The following SLC2A4 variants were observed in gnomAD, a reference collection of about 807,000 sequenced individuals.
SLC2A4 encodes solute carrier family 2 member 4.
In SLC2A4, 31 loss-of-function variants were observed where a neutral mutation model predicts 53.3. The ratio of observed to expected loss-of-function variants is 0.58; its 90% CI spans 0.44 to 0.78. The LOEUF is 0.78. Ranked by LOEUF, SLC2A4 falls within the 30% of genes least tolerant of loss-of-function variation. The pLI is 0.00. For synonymous variants in SLC2A4, 276 were observed against 281.9 expected, an observed-to-expected ratio of 0.98 and a Z score of 0.21; for missense variants, 538 against 655.7, an observed-to-expected ratio of 0.82 and a Z score of 1.96.
chr17:7,282,109 C>G lies in SLC2A4; in HGVS notation c.33+142C>G. The G allele has an allele frequency of 1.4e-6, 1 of 733,054 alleles. No individual in the cohort carries two copies. The highest frequency in any genetic ancestry group is 2.4e-6 in the Non-Finnish European group (1 of 417,010). The allele number at this position is 733,054 out of a possible 1,614,324, so 45.4% of individuals were successfully genotyped here. A position where few individuals can be genotyped will look rare whatever the true frequency, so the allele number is the denominator to read the frequency against. ...AGGGGGCTGGCTATTTATACCCGGC[C>G]TGGACAACCCGTGACTGTGAGATTC... On this transcript the variant is annotated intron_variant, in intron 1 of 10. Coordinates refer to ENST00000317370, the MANE Select transcript of SLC2A4 (RefSeq NM_001042.3). The surrounding 1 kb of genome is among the most constrained non-coding windows in gnomAD (Gnocchi z 4.1).
Position 7,284,411 on chromosome 17 carries a change from C to G in SLC2A4, c.727+32C>G, listed in dbSNP as rs2072430439. The G allele has an allele frequency of 6.2e-7, 1 of 1,613,974 alleles. No homozygotes were observed. The highest frequency in any genetic ancestry group is 1.7e-5 in the Admixed American group (1 of 60,012). ...TCTCCCGCTGCAGCCTGGCCCAGGC[C>G]CATGCCTCCGCCTCATCTTGCTAGC... On this transcript the variant is annotated intron_variant, in intron 6 of 10. Transcript: ENST00000317370. The surrounding 1 kb of genome is among the most constrained non-coding windows in gnomAD (Gnocchi z 7.5).
In SLC2A4 at chr17:7,286,653, C is replaced by T. The variant is rs778004176; in HGVS notation, c.*24C>T. ...GAGGGGCCAGGCAGGGGTGGGAGAGCCAGCTCTCTCTACCCGGCCCAGAGA... is the reference window on the plus strand; with the variant it reads ...GAGGGGCCAGGCAGGGGTGGGAGAGTCAGCTCTCTCTACCCGGCCCAGAGA... On this transcript the variant is annotated 3_prime_UTR_variant, in exon 11 of 11. Transcript: ENST00000317370. The T allele has an allele frequency of 2.5e-6, 4 of 1,597,804 alleles. No homozygotes were observed. In the South Asian group the frequency reaches 3.3e-5, roughly 13 times the overall value.
At position 7,282,188 on chromosome 17, in the gene SLC2A4, C is replaced by T. The variant is rs759271251; in HGVS notation, c.33+221C>T. 1.1e-5 allele frequency: 7 copies of T among 626,314 alleles called. No homozygotes were observed. Among genetic ancestry groups the T allele is most frequent in the Non-Finnish European group, 2.0e-5 (7 of 344,048 alleles). The allele number at this position is 626,314 out of a possible 1,614,324, so 38.8% of individuals were successfully genotyped here. Reference sequence around the variant, plus strand: ...GGAGGGCCTTTCGGGGCACAGGCAGCAAGTGGATTCTGCGAGCCAGGGTTC... The same window carrying T: ...GGAGGGCCTTTCGGGGCACAGGCAGTAAGTGGATTCTGCGAGCCAGGGTTC... On this transcript the variant is annotated intron_variant, in intron 1 of 10. Coordinates refer to ENST00000317370, the MANE Select transcript of SLC2A4 (RefSeq NM_001042.3). The surrounding 1 kb of genome is among the most constrained non-coding windows in gnomAD (Gnocchi z 4.1).
Position 7,286,564 on chromosome 17 carries a change from C to A in SLC2A4, c.1465C>A (p.Leu489Ile). 2 of 1,614,210 alleles carry A rather than the reference C, an allele frequency of 1.2e-6. No homozygotes were observed. The highest frequency in any genetic ancestry group is 2.2e-5 in the South Asian group (2 of 91,086). Residue 489 changes from leucine to isoleucine, a missense_variant, in exon 11 of 11, where the codon CTT becomes ATT. Transcript: ENST00000317370. ...ISAAFHRTPSLLEQEVKPSTE... is the reference protein window; with the variant it reads ...ISAAFHRTPSILEQEVKPSTE... The stretch of plus-strand genomic sequence containing the variant: ...AGCTGCCTTCCACCGGACACCCTCT[C>A]TTTTAGAGCAGGAGGTGAAACCCAG...
rs747355108 is a variant in SLC2A4, at chr17:7,284,098, A to C, written c.564+9A>C. On this transcript the variant is annotated intron_variant, in intron 5 of 10. Coordinates refer to ENST00000317370, the MANE Select transcript of SLC2A4 (RefSeq NM_001042.3). The surrounding 1 kb of genome is among the most constrained non-coding windows in gnomAD (Gnocchi z 7.5). ...GCATTCTGATCGCCCAGGTGACCGG[A>C]GCAAGCCTCATGGGTGCCTGGGCAG... The C allele has an allele frequency of 2.5e-6, 4 of 1,612,924 alleles. No homozygotes were observed. In the South Asian group the frequency reaches 3.3e-5, roughly 13 times the overall value.
rs1335344386 is a variant in SLC2A4, at chr17:7,282,161, C to T, written c.33+194C>T. 7 of 643,788 alleles carry T rather than the reference C, an allele frequency of 1.1e-5. No homozygotes were observed. Among genetic ancestry groups the T allele is most frequent in the Non-Finnish European group, 2.0e-5 (7 of 355,188 alleles). 39.9% of individuals were successfully genotyped at this position (643,788 alleles called of 1,614,324 possible). ...AATCCTACCAAAAGGCAGAGTGGGT[C>T]TGGAGGGCCTTTCGGGGCACAGGCA... On this transcript the variant is annotated intron_variant, in intron 1 of 10. Transcript: ENST00000317370. This position sits in a 1 kb window ranked among gnomAD's most constrained non-coding sequence, Gnocchi z 4.1.
chr17:7,283,175 G>C lies in SLC2A4; in HGVS notation c.34-70G>C, dbSNP rs1482121734. ...GTATCTTCAGGCTCCAGCTGGGCCC[G>C]GGCCCCTAGCGGAAGGAAAAAAATC... is the stretch of plus-strand genomic sequence containing the variant. On this transcript the variant is annotated intron_variant, in intron 1 of 10. Coordinates refer to ENST00000317370, the MANE Select transcript of SLC2A4 (RefSeq NM_001042.3). The surrounding 1 kb of genome is among the most constrained non-coding windows in gnomAD (Gnocchi z 5.8). 25 of 1,294,118 alleles carry C rather than the reference G, an allele frequency of 1.9e-5. No individual in the cohort carries two copies. The highest frequency in any genetic ancestry group is 2.5e-5 in the Non-Finnish European group (22 of 889,386). 80.2% of individuals were successfully genotyped at this position (1,294,118 alleles called of 1,614,324 possible). A position where few individuals can be genotyped will look rare whatever the true frequency, so the allele number is the denominator to read the frequency against.
At position 7,282,363 on chromosome 17, in the gene SLC2A4, T is replaced by C. The variant is rs2072409566; in HGVS notation, c.33+396T>C. 1 of 468,752 alleles carries C rather than the reference T, an allele frequency of 2.1e-6. No individual in the cohort carries two copies. Among genetic ancestry groups the C allele is most frequent in the Admixed American group, 2.3e-5 (1 of 42,866 alleles). The allele number at this position is 468,752 out of a possible 1,614,324, so 29.0% of individuals were successfully genotyped here. Reference sequence around the variant, plus strand: ...GGGCAGTGTTTCGAGGACCGGAGGCTCTCCGTGGGCCCCCACCCCCACTCC... The same window carrying C: ...GGGCAGTGTTTCGAGGACCGGAGGCCCTCCGTGGGCCCCCACCCCCACTCC... On this transcript the variant is annotated intron_variant, in intron 1 of 10. Coordinates refer to ENST00000317370, the MANE Select transcript of SLC2A4 (RefSeq NM_001042.3). The surrounding 1 kb of genome is among the most constrained non-coding windows in gnomAD (Gnocchi z 4.1).
rs1294239114 is a variant in SLC2A4, at chr17:7,285,651, G to A, written c.1123-54G>A. The A allele has an allele frequency of 2.6e-6, 4 of 1,555,876 alleles. No individual in the cohort carries two copies. The Admixed American group carries it at 6.7e-5, about 26-fold the overall frequency. The stretch of plus-strand genomic sequence containing the variant: ...TTCACTTCTCTGAGTTGAGGGCAAG[G>A]GAAGATCAGAAAGGCCTCAACTGGA... On this transcript the variant is annotated intron_variant, in intron 9 of 10. Transcript: ENST00000317370. This position sits in a 1 kb window ranked among gnomAD's most constrained non-coding sequence, Gnocchi z 6.0.
At position 7,282,464 on chromosome 17, in the gene SLC2A4, C is replaced by T. The variant is rs572042475; in HGVS notation, c.33+497C>T. 8.8e-6 allele frequency: 4 copies of T among 452,568 alleles called. No individual in the cohort carries two copies. Among genetic ancestry groups the T allele is most frequent in the Admixed American group, 2.4e-5 (1 of 41,970 alleles). 28.0% of individuals were successfully genotyped at this position (452,568 alleles called of 1,614,324 possible). Reference sequence around the variant, plus strand: ...GGGGCAGAGGGGACTGTCAGCCCCCCCTCCTCCAGCTCAGGTTTCCGCTTG... The same window carrying T: ...GGGGCAGAGGGGACTGTCAGCCCCCTCTCCTCCAGCTCAGGTTTCCGCTTG... On this transcript the variant is annotated intron_variant, in intron 1 of 10. Coordinates refer to ENST00000317370, the MANE Select transcript of SLC2A4 (RefSeq NM_001042.3). The surrounding 1 kb of genome is among the most constrained non-coding windows in gnomAD (Gnocchi z 4.1).
chr17:7,284,940 G>A lies in SLC2A4; in HGVS notation c.1020+1G>A. The A allele has an allele frequency of 6.2e-7, 1 of 1,614,234 alleles. No individual in the cohort carries two copies. The highest frequency in any genetic ancestry group is 8.5e-7 in the Non-Finnish European group (1 of 1,180,042). On this transcript the variant is annotated splice_donor_variant, in intron 8 of 10. Transcript: ENST00000317370. LOFTEE classifies it high-confidence loss of function. The surrounding 1 kb of genome is among the most constrained non-coding windows in gnomAD (Gnocchi z 7.5). ...CAACACAGTCTTCACCTTGGTCTCG[G>A]TAACTGCTCACCTCTGGAATGGCCC...
rs758122417 is a variant in SLC2A4, at chr17:7,284,051, A to C, written c.526A>C (p.Asn176His). The change falls in exon 5 of 11, where the codon AAC becomes CAC. Residue 176 changes from asparagine to histidine, a missense_variant. By Grantham distance (68) the Asn-to-His change is moderately conservative. Transcript: ENST00000317370. The surrounding 1 kb of genome is among the most constrained non-coding windows in gnomAD (Gnocchi z 7.5). ...THLRGALGTL[N>H]QLAIVIGILI... The stretch of plus-strand genomic sequence containing the variant: ...CCTGCGGGGCGCCCTGGGGACGCTC[A>C]ACCAACTGGCCATTGTTATCGGCAT... The C allele has an allele frequency of 1.9e-6, 3 of 1,614,030 alleles. No homozygotes were observed. The highest frequency in any genetic ancestry group is 3.3e-5 in the Admixed American group (2 of 59,998).
In SLC2A4 at chr17:7,287,664, C is replaced by T. The variant is rs1442463471; in HGVS notation, c.*1035C>T. Reference sequence around the variant, plus strand: ...GGGTGCTGCATCCACAGGCTTTTGACCAACTAAGGCAAAGAGGGGATTTGA... The same window carrying T: ...GGGTGCTGCATCCACAGGCTTTTGATCAACTAAGGCAAAGAGGGGATTTGA... On this transcript the variant is annotated 3_prime_UTR_variant, in exon 11 of 11. Transcript: ENST00000317370. 1 of 152,230 alleles carries T rather than the reference C, an allele frequency of 6.6e-6. No individual in the cohort carries two copies. The highest frequency in any genetic ancestry group is 1.5e-5 in the Non-Finnish European group (1 of 68,056). The allele number at this position is 152,230 out of a possible 1,614,324, so 9.4% of individuals were successfully genotyped here.
chr17:7,285,923 C>A lies in SLC2A4; in HGVS notation c.1326+15C>A. On this transcript the variant is annotated intron_variant, in intron 10 of 10. Transcript: ENST00000317370. This position sits in a 1 kb window ranked among gnomAD's most constrained non-coding sequence, Gnocchi z 6.0. ...AGTATGTTGCGGTAGGTCCCCCCGCCCCAGCCTCCCACACCGTAGGCCAGA... is the reference window on the plus strand; with the variant it reads ...AGTATGTTGCGGTAGGTCCCCCCGCACCAGCCTCCCACACCGTAGGCCAGA... The A allele has an allele frequency of 6.2e-7, 1 of 1,606,498 alleles. No individual in the cohort carries two copies. Among genetic ancestry groups the A allele is most frequent in the Non-Finnish European group, 8.5e-7 (1 of 1,174,278 alleles).
rs768365479 is a variant in SLC2A4 at position 7,285,920 on chromosome 17, C to T, written c.1326+12C>T. On this transcript the variant is annotated intron_variant, in intron 10 of 10. Coordinates refer to ENST00000317370, the MANE Select transcript of SLC2A4 (RefSeq NM_001042.3). The surrounding 1 kb of genome is among the most constrained non-coding windows in gnomAD (Gnocchi z 6.0). ...TCCAGTATGTTGCGGTAGGTCCCCC[C>T]GCCCCAGCCTCCCACACCGTAGGCC... 17 of 1,608,412 alleles carry T rather than the reference C, an allele frequency of 1.1e-5. No homozygotes were observed. Among genetic ancestry groups the T allele is most frequent in the Middle Eastern group, 1.7e-4 (1 of 6,036 alleles).
At position 7,284,682 on chromosome 17, in the gene SLC2A4, G is replaced by C. The variant is rs5437; in HGVS notation, c.915+10G>C. 1.2e-4 allele frequency: 193 copies of C among 1,613,760 alleles called. 2 individuals carry two copies. The African/African-American group carries it at 2.1e-3, about 18-fold the overall frequency. On this transcript the variant is annotated intron_variant, in intron 7 of 10. Coordinates refer to ENST00000317370, the MANE Select transcript of SLC2A4 (RefSeq NM_001042.3). The surrounding 1 kb of genome is among the most constrained non-coding windows in gnomAD (Gnocchi z 7.5). ...CTCTGGCATCAATGCTGTATGTGTGGAGCAGCCTCCAGGCAGGGCACAGCC... is the reference window on the plus strand; with the variant it reads ...CTCTGGCATCAATGCTGTATGTGTGCAGCAGCCTCCAGGCAGGGCACAGCC...
Position 7,282,159 on chromosome 17 carries a change from G to A in SLC2A4, c.33+192G>A. 1 of 646,976 alleles carries A rather than the reference G, an allele frequency of 1.5e-6. No individual in the cohort carries two copies. Among genetic ancestry groups the A allele is most frequent in the Admixed American group, 2.2e-5 (1 of 45,172 alleles). The allele number at this position is 646,976 out of a possible 1,614,324, so 40.1% of individuals were successfully genotyped here. A position where few individuals can be genotyped will look rare whatever the true frequency, so the allele number is the denominator to read the frequency against. On this transcript the variant is annotated intron_variant, in intron 1 of 10. Coordinates refer to ENST00000317370, the MANE Select transcript of SLC2A4 (RefSeq NM_001042.3). The surrounding 1 kb of genome is among the most constrained non-coding windows in gnomAD (Gnocchi z 4.1). Reference sequence around the variant, plus strand: ...CCAATCCTACCAAAAGGCAGAGTGGGTCTGGAGGGCCTTTCGGGGCACAGG... The same window carrying A: ...CCAATCCTACCAAAAGGCAGAGTGGATCTGGAGGGCCTTTCGGGGCACAGG...
chr17:7,282,138 T>C lies in SLC2A4; in HGVS notation c.33+171T>C. On this transcript the variant is annotated intron_variant, in intron 1 of 10. Transcript: ENST00000317370. This position sits in a 1 kb window ranked among gnomAD's most constrained non-coding sequence, Gnocchi z 4.1. ...ACAACCCGTGACTGTGAGATTCCAA[T>C]CCTACCAAAAGGCAGAGTGGGTCTG... is the stretch of plus-strand genomic sequence containing the variant. 1 of 669,180 alleles carries C rather than the reference T, an allele frequency of 1.5e-6. No individual in the cohort carries two copies. Among genetic ancestry groups the C allele is most frequent in the Non-Finnish European group, 2.7e-6 (1 of 372,012 alleles). The allele number at this position is 669,180 out of a possible 1,614,324, so 41.5% of individuals were successfully genotyped here. A position where few individuals can be genotyped will look rare whatever the true frequency, so the allele number is the denominator to read the frequency against.
Position 7,282,291 on chromosome 17 carries a change from C to A in SLC2A4, c.33+324C>A, listed in dbSNP as rs933664521. ...CTCGATCCGACTCGGGAAAGCAGAT[C>A]CAGGCGGGTCTTGCCCTCCGGGAGC... On this transcript the variant is annotated intron_variant, in intron 1 of 10. Transcript: ENST00000317370. This position sits in a 1 kb window ranked among gnomAD's most constrained non-coding sequence, Gnocchi z 4.1. The A allele has an allele frequency of 7.3e-6, 4 of 550,392 alleles. No individual in the cohort carries two copies. The highest frequency in any genetic ancestry group is 1.4e-5 in the Non-Finnish European group (4 of 289,034). The allele number at this position is 550,392 out of a possible 1,614,324, so 34.1% of individuals were successfully genotyped here.
Sources: gnomAD v4.1 joint callset for allele counts on GRCh38, gnomAD v4.1.1 for gene constraint, Gnocchi (gnomAD v3.1) non-coding constraint, MANE v1.5 for transcripts, NCBI Gene and HGNC (gene_info 2026-07-23, HGNC 2026-07-21) for gene names.